COX7B2: variants seen among roughly 807,000 people sequenced by gnomAD.
The protein encoded by COX7B2 is cytochrome c oxidase subunit 7B2, mitochondrial.
For synonymous variants in COX7B2, 37 were observed against 32.1 expected (o/e 1.15, Z -0.51); for missense variants, 109 against 95.9 (o/e 1.14, Z -0.57).
chr4:46,852,155 T>C (rs557217416), intron 1 of COX7B2, among the ~76,000 whole-genome samples: 3 of 152,202 alleles, frequency 2.0e-5, no homozygotes, highest in African/African-American at 7.2e-5. Flanking sequence ...TTTTCCCTCA[T>C]GTATTTATTT....
chr4:46,762,586 C>T lies in COX7B2; in HGVS notation c.-49-27345G>A, dbSNP rs558384817. Among the ~76,000 whole-genome samples the T allele has an allele frequency of 2.7e-5, 4 of 148,342 alleles. No individual in the cohort carries two copies. In the East Asian group the frequency reaches 7.9e-4, roughly 29 times the overall value. ...ATGAAAATTTTAGATATGCTGCTTT[C>T]TAATGTTCTAAACTGTGAGGTAGAG... On this transcript the variant is annotated intron_variant, in intron 2 of 2. Transcript: ENST00000355591.
chr4:46,871,664 G>C (rs1717999775), intron 1 of COX7B2, among the ~76,000 whole-genome samples: 1 of 150,886 alleles, frequency 6.6e-6, no homozygotes, highest in Non-Finnish European at 1.5e-5. Context: ...TTGAAAAGTG[G>C]GCAAAAGACA....
intron 2 of COX7B2, among the ~76,000 whole-genome samples, chr4:46,788,063 AC>A (rs1717844139): frequency 6.6e-6 from 1 of 152,180 alleles, no homozygotes; most frequent in Non-Finnish European, 1.5e-5. Flanking sequence ...GGGCACACAG[AC>A]TTGTTTACAG....
intron 2 of COX7B2, among the ~76,000 whole-genome samples, chr4:46,782,796 C>G (rs1717552155): frequency 6.6e-6 from 1 of 152,182 alleles, no homozygotes; most frequent in Non-Finnish European, 1.5e-5. Flanking sequence ...CCGCGAAGGT[C>G]TGCAGCTTCA....
At chr4:46,853,815 C>T (rs2109784960) in intron 1 of COX7B2, among the ~76,000 whole-genome samples, 1 of 152,132 alleles carries the variant, frequency 6.6e-6, no homozygotes, top group East Asian at 1.9e-4. Flanking sequence ...TCTTTTCACT[C>T]AACTGATTCT....
chr4:46,759,161 C>T (rs373039787), intron 2 of COX7B2, among the ~76,000 whole-genome samples: 21 of 151,912 alleles, frequency 1.4e-4, no homozygotes, highest in African/African-American at 5.1e-4. Flanking sequence ...CAGAGAAATT[C>T]CAAAATTAAA....
intron 2 of COX7B2, among the ~76,000 whole-genome samples, chr4:46,784,285 A>G (rs558138244): frequency 6.6e-6 from 1 of 152,312 alleles, no homozygotes; most frequent in South Asian, 2.1e-4. Context: ...AATAAAAAGT[A>G]ATACTAATTT....
At chr4:46,798,380 T>C (rs559208191) in intron 2 of COX7B2, among the ~76,000 whole-genome samples, 2 of 152,336 alleles carry the variant, frequency 1.3e-5, no homozygotes, top group South Asian at 2.1e-4. Flanking sequence ...GCTTGTAGCA[T>C]TGAGTGAGGC....
At chr4:46,907,530 A>T (rs751219918) in intron 1 of COX7B2, among the ~76,000 whole-genome samples, 1 of 152,166 alleles carries the variant, frequency 6.6e-6, no homozygotes, top group Admixed American at 6.5e-5. Context: ...TCCTCAATTT[A>T]TGAAGATTTA....
At chr4:46,881,005 A>AAAAC (rs1718697787) in intron 1 of COX7B2, among the ~76,000 whole-genome samples, 1 of 151,430 alleles carries the variant, frequency 6.6e-6, no homozygotes, top group Non-Finnish European at 1.5e-5. Flanking sequence ...AAAAAAAAAA[A>AAAAC]AAAAAACTCT....
intron 2 of COX7B2, among the ~76,000 whole-genome samples, chr4:46,799,287 T>C (rs1718527423): frequency 1.3e-5 from 2 of 152,174 alleles, no homozygotes. Flanking sequence ...TTTCTAATGA[T>C]AAAATCATAT....
intron 1 of COX7B2, among the ~76,000 whole-genome samples, chr4:46,879,881 T>A (rs1490382206): frequency 6.6e-6 from 1 of 152,178 alleles, no homozygotes. Context: ...TGGACTGGTG[T>A]TCTCTGTATT....
chr4:46,843,512 C>T (rs1716075240), intron 2 of COX7B2, among the ~76,000 whole-genome samples: 1 of 151,822 alleles, frequency 6.6e-6, no homozygotes, highest in Non-Finnish European at 1.5e-5. Context: ...AGATTCATTG[C>T]TCTGATTTTT....
At chr4:46,752,589 T>G (rs1715457716) in intron 2 of COX7B2, among the ~76,000 whole-genome samples, 1 of 152,142 alleles carries the variant, frequency 6.6e-6, no homozygotes, top group Non-Finnish European at 1.5e-5. Flanking sequence ...TTGAGATACA[T>G]CCTATCAATA....
At chr4:46,907,847 A>AATTTTTTTTTTTTTTTT in intron 1 of COX7B2, among the ~76,000 whole-genome samples, 1 of 67,204 alleles carries the variant, frequency 1.5e-5, no homozygotes, top group Non-Finnish European at 3.2e-5. Flanking sequence ...ATTTGAGCAG[A>AATTTTTTTTTTTTTTTT]CTTTTTTTTT....
chr4:46,794,285 T>C lies in COX7B2; in HGVS notation c.-50+50675A>G, dbSNP rs765337417. Among the ~76,000 whole-genome samples, 117 of 152,200 alleles carry C rather than the reference T, an allele frequency of 7.7e-4. 1 individual carries two copies. Among genetic ancestry groups the C allele is most frequent in the Non-Finnish European group, 1.3e-3 (86 of 68,032 alleles). On this transcript the variant is annotated intron_variant, in intron 2 of 2. Transcript: ENST00000355591. ...TTGACATGGACTCACAAAACAGAGA[T>C]TCTGCATTTAATGTTGCAGTTCAGG...
At chr4:46,863,228 T>A (rs893957798) in intron 1 of COX7B2, among the ~76,000 whole-genome samples, 4 of 152,150 alleles carry the variant, frequency 2.6e-5, no homozygotes, top group Non-Finnish European at 5.9e-5. Context: ...AAGTTATAGA[T>A]ATACATATGT....
rs1270448915 is a variant in COX7B2, at chr4:46,743,920, T to C, written c.-49-8679A>G. 3.3e-5 allele frequency among the ~76,000 whole-genome samples: 5 copies of C among 152,352 alleles called. No homozygotes were observed. In the South Asian group the frequency reaches 1.0e-3, roughly 32 times the overall value. ...GAGGCATCTCAAAAACTAAATCATT[T>C]CCTTGTGGGAACTTTTAACATAAGA... On this transcript the variant is annotated intron_variant, in intron 2 of 2. Coordinates refer to ENST00000355591, the MANE Select transcript of COX7B2 (RefSeq NM_130902.3).
chr4:46,772,727 C>T (rs984731050), intron 2 of COX7B2, among the ~76,000 whole-genome samples: 2 of 152,006 alleles, frequency 1.3e-5, no homozygotes, highest in Admixed American at 1.3e-4. Context: ...AATTTATTTT[C>T]TTTCAACTTA....
Sources: allele counts gnomAD v4.1 joint callset (sites outside exome capture counted in the v4.1 genomes callset), GRCh38; gene constraint gnomAD v4.1.1; transcripts MANE v1.5; gene names NCBI Gene and HGNC (gene_info 2026-07-23, HGNC 2026-07-21).